Variants in SYN3 observed in about 807,000 individuals in gnomAD.
SYN3 encodes the protein synapsin III.
In SYN3, 35 loss-of-function variants were observed where a neutral mutation model predicts 65.8. That is an observed-to-expected ratio of 0.53 (90% CI 0.41 to 0.70). SYN3 has a LOEUF of 0.70. Ranked by LOEUF, SYN3 falls within the 30% of genes least tolerant of loss-of-function variation. The pLI is 0.00. For synonymous variants in SYN3, 270 were observed against 292.9 expected (o/e 0.92, Z 0.80); for missense variants, 680 against 749.0 (o/e 0.91, Z 1.08).
Position 32,509,196 on chromosome 22 carries a change from C to G in SYN3, c.*4496G>C, listed in dbSNP as rs1165805784. On this transcript the variant is annotated 3_prime_UTR_variant, in exon 14 of 14. Coordinates refer to ENST00000358763, the MANE Select transcript of SYN3 (RefSeq NM_003490.4). ...AAGATCTGGAAGAACTTTTCTGTGG[C>G]TGGTAGAGCTGTCCGCTAAGGCTGC... Among the ~76,000 whole-genome samples the G allele has an allele frequency of 6.6e-6, 1 of 152,144 alleles. No homozygotes were observed. The highest frequency in any genetic ancestry group is 1.5e-5 in the Non-Finnish European group (1 of 68,024).
At chr22:32,806,757 G>A (rs2046751396) in intron 6 of SYN3, among the ~76,000 whole-genome samples, 1 of 151,802 alleles carries the variant, frequency 6.6e-6, no homozygotes, top group South Asian at 2.1e-4. Context: ...GTATATCTAT[G>A]ATATATCCAT....
At chr22:32,797,863 C>T (rs150226458) in intron 6 of SYN3, among the ~76,000 whole-genome samples, 19 of 152,270 alleles carry the variant, frequency 1.2e-4, no homozygotes, top group African/African-American at 4.3e-4. Context: ...GTTTTTGAGG[C>T]GAGAGGGATC....
chr22:32,919,200 T>C (rs2050269158), intron 4 of SYN3, among the ~76,000 whole-genome samples: 1 of 152,182 alleles, frequency 6.6e-6, no homozygotes. Context: ...CCACCCTCCA[T>C]ACACACGGGG....
At chr22:32,721,208 G>A (rs906356835) in intron 6 of SYN3, among the ~76,000 whole-genome samples, 8 of 152,320 alleles carry the variant, frequency 5.3e-5, no homozygotes, top group Middle Eastern at 6.8e-3. Flanking sequence ...TGGAGCTCCC[G>A]GTGGTGGGCA....
chr22:33,050,629 G>A (rs1481038571), intron 1 of SYN3, among the ~76,000 whole-genome samples: 1 of 152,142 alleles, frequency 6.6e-6, no homozygotes, highest in Non-Finnish European at 1.5e-5. Flanking sequence ...GGCTGAGCTA[G>A]TTTATCTCAA....
chr22:32,913,480 T>TA (rs771747995), intron 4 of SYN3, among the ~76,000 whole-genome samples: 93 of 151,692 alleles, frequency 6.1e-4, no homozygotes, highest in Non-Finnish European at 9.7e-4. Context: ...TTTTTTTTTT[T>TA]AAAGAAAAAA....
intron 2 of SYN3, among the ~76,000 whole-genome samples, chr22:32,990,234 A>G (rs1373752422): frequency 6.6e-6 from 1 of 152,276 alleles, no homozygotes; most frequent in Admixed American, 6.5e-5. Context: ...AGAGAGGCTA[A>G]GACCATTTAT....
At chr22:32,839,481 A>G (rs1369103055) in intron 6 of SYN3, among the ~76,000 whole-genome samples, 2 of 152,108 alleles carry the variant, frequency 1.3e-5, no homozygotes, top group African/African-American at 4.8e-5. Flanking sequence ...CAGGTCACAG[A>G]AACACCATCA....
intron 2 of SYN3, among the ~76,000 whole-genome samples, chr22:32,998,365 CA>C (rs1403552699): frequency 1.3e-5 from 2 of 152,134 alleles, no homozygotes; most frequent in African/African-American, 4.8e-5. Context: ...AGGAGGGTTT[CA>C]GAGGGTTTCA....
At chr22:32,540,420 C>T (rs1025256399) in intron 8 of SYN3, among the ~76,000 whole-genome samples, 2 of 152,220 alleles carry the variant, frequency 1.3e-5, no homozygotes, top group African/African-American at 2.4e-5. Context: ...TTGCAGTCCT[C>T]AGATATGGAG....
At chr22:32,578,160 TCTTTC>T (rs2058879866) in intron 7 of SYN3, among the ~76,000 whole-genome samples, 1 of 152,234 alleles carries the variant, frequency 6.6e-6, no homozygotes, top group African/African-American at 2.4e-5. Flanking sequence ...GTATTTTCTT[TCTTTC>T]CTTTTCTTTT....
chr22:32,961,028 T>C (rs984232138), intron 3 of SYN3, among the ~76,000 whole-genome samples: 2 of 152,226 alleles, frequency 1.3e-5, no homozygotes, highest in Non-Finnish European at 2.9e-5. Flanking sequence ...GGTGTGTTTT[T>C]GAGTTGTTCG....
intron 8 of SYN3, 33 bp from the exon 9 acceptor site, chr22:32,538,143 T>C: frequency 6.3e-7 from 1 of 1,593,046 alleles, no homozygotes; most frequent in Non-Finnish European, 8.6e-7. Context: ...TTGAGGGAAT[T>C]AGGGACCCTC....
rs180941367 is a variant in SYN3 at position 33,008,869 on chromosome 22, G to A, written c.-162-2045C>T. Among the ~76,000 whole-genome samples, 192 of 135,948 alleles carry A rather than the reference G, an allele frequency of 1.4e-3. 3 individuals carry two copies. In the East Asian group the frequency reaches 0.04, roughly 28 times the overall value. The allele number at this position is 135,948 out of a possible 152,430, so 89.2% of individuals were successfully genotyped here. On this transcript the variant is annotated intron_variant, in intron 1 of 13. Transcript: ENST00000358763. ...GAACCCAGGAGGTGGAGGTTGCAGT[G>A]AGCCAAGATCACGTCACTGCACTCC...
chr22:32,700,417 G>A (rs1394128787), intron 6 of SYN3, among the ~76,000 whole-genome samples: 1 of 152,136 alleles, frequency 6.6e-6, no homozygotes, highest in Non-Finnish European at 1.5e-5. Context: ...AAACAAGGGA[G>A]GGTCATGACC....
At chr22:32,868,894 G>A (rs993757446) in intron 5 of SYN3, 72 bp downstream of exon 5, 53 of 1,485,638 alleles carry the variant, frequency 3.6e-5, no homozygotes, top group Non-Finnish European at 4.2e-5. Flanking sequence ...GCTGGGGAGT[G>A]GGCTTGTCGC....
At chr22:32,627,233 A>G (rs1232593314) in intron 6 of SYN3, among the ~76,000 whole-genome samples, 1 of 152,072 alleles carries the variant, frequency 6.6e-6, no homozygotes, top group African/African-American at 2.4e-5. Flanking sequence ...CATTCTGAAC[A>G]TTTGGGAACA....
At chr22:32,849,181 C>T (rs186444625) in intron 6 of SYN3, among the ~76,000 whole-genome samples, 9 of 152,206 alleles carry the variant, frequency 5.9e-5, no homozygotes, top group Non-Finnish European at 1.0e-4. Context: ...TCAGGGTCGG[C>T]GGGGGTTGAC....
intron 1 of SYN3, among the ~76,000 whole-genome samples, chr22:33,010,420 A>G (rs1056832902): frequency 6.6e-6 from 1 of 152,124 alleles, no homozygotes; most frequent in Non-Finnish European, 1.5e-5. Context: ...TGCCAGCACC[A>G]TTTATGAAAG....
Sources: allele counts gnomAD v4.1 joint callset (sites outside exome capture counted in the v4.1 genomes callset), GRCh38; gene constraint gnomAD v4.1.1; transcripts MANE v1.5; gene names NCBI Gene and HGNC (gene_info 2026-07-23, HGNC 2026-07-21).